ZNRF3: variants seen among roughly 807,000 people sequenced by gnomAD.
ZNRF3 encodes zinc and ring finger 3.
ZNRF3 carries 23 observed loss-of-function variants against 72.5 expected under a neutral mutation model. The ratio of observed to expected loss-of-function variants is 0.32; its 90% CI spans 0.23 to 0.45. ZNRF3 has a LOEUF of 0.45. Ranked by LOEUF, ZNRF3 falls within the 20% of genes least tolerant of loss-of-function variation. The pLI is 1.00. For synonymous variants in ZNRF3, 610 were observed against 545.3 expected, an observed-to-expected ratio of 1.12 and a Z score of -1.65; for missense variants, 1,169 against 1,272.1, an observed-to-expected ratio of 0.92 and a Z score of 1.23.
chr22:28,945,378 A>G (rs1204638104), intron 1 of ZNRF3, among the ~76,000 whole-genome samples: 1 of 151,948 alleles, frequency 6.6e-6, no homozygotes, highest in African/African-American at 2.4e-5. Context: ...AATATTAAGC[A>G]ATGTGTCATA....
chr22:28,990,465 A>G (rs1295946292), intron 2 of ZNRF3, among the ~76,000 whole-genome samples: 1 of 152,142 alleles, frequency 6.6e-6, no homozygotes, highest in Non-Finnish European at 1.5e-5. Context: ...CGGGCAGATC[A>G]CTTGAGGCCA....
intron 2 of ZNRF3, among the ~76,000 whole-genome samples, chr22:29,002,610 G>A (rs909432517): frequency 4.6e-5 from 7 of 152,194 alleles, no homozygotes; most frequent in Non-Finnish European, 7.3e-5. Flanking sequence ...TTGCTGATGC[G>A]CACCAGACTG....
In ZNRF3 at chr22:29,048,343, C is replaced by A; in HGVS notation, c.913-46C>A. 6.4e-7 allele frequency: 1 copy of A among 1,552,500 alleles called. No homozygotes were observed. Among genetic ancestry groups the A allele is most frequent in the Non-Finnish European group, 8.9e-7 (1 of 1,126,424 alleles). On this transcript the variant is annotated intron_variant, in intron 6 of 8. Coordinates refer to ENST00000544604, the MANE Select transcript of ZNRF3 (RefSeq NM_001206998.2). The surrounding 1 kb of genome is among the most constrained non-coding windows in gnomAD (Gnocchi z 4.9). ...ATGCTGGACTCTGCAGGAGGACACA[C>A]CTGCGAGGCTGAAGGCAGACTTGTG...
intron 2 of ZNRF3, among the ~76,000 whole-genome samples, chr22:29,018,988 C>G (rs1033515004): frequency 1.3e-5 from 2 of 151,108 alleles, no homozygotes; most frequent in East Asian, 3.9e-4. Flanking sequence ...ACTGAGTGAT[C>G]TAGGATGGCC....
rs748931315 is a variant in ZNRF3 at position 29,049,194 on chromosome 22, C to T, written c.1016-3C>T. On this transcript the variant is annotated splice_polypyrimidine_tract_variant and splice_region_variant and intron_variant, in intron 7 of 8. Coordinates refer to ENST00000544604, the MANE Select transcript of ZNRF3 (RefSeq NM_001206998.2). This position sits in a 1 kb window ranked among gnomAD's most constrained non-coding sequence, Gnocchi z 5.2. ...CTACTCTGTTTCCTCCACTTGTCTC[C>T]AGAACAAAAGGGAAACCCAAGCGCG... 6.3e-7 allele frequency: 1 copy of T among 1,585,106 alleles called. No individual in the cohort carries two copies. Among genetic ancestry groups the T allele is most frequent in the Non-Finnish European group, 8.6e-7 (1 of 1,163,616 alleles).
intron 1 of ZNRF3, among the ~76,000 whole-genome samples, chr22:28,934,835 A>AT (rs886770109): frequency 1.1e-4 from 17 of 152,028 alleles, no homozygotes; most frequent in South Asian, 4.2e-4. Context: ...AAAAAAAAAA[A>AT]AAAGTATATT....
At chr22:29,011,898 T>A (rs911847195) in intron 2 of ZNRF3, among the ~76,000 whole-genome samples, 1 of 152,220 alleles carries the variant, frequency 6.6e-6, no homozygotes, top group Non-Finnish European at 1.5e-5. Flanking sequence ...TCTCTGCTTG[T>A]GTGCAAAGAA....
intron 1 of ZNRF3, among the ~76,000 whole-genome samples, chr22:28,934,549 G>A (rs2034785452): frequency 6.6e-6 from 1 of 152,168 alleles, no homozygotes; most frequent in South Asian, 2.1e-4. Flanking sequence ...TGGGCGCGGT[G>A]GCTCATTCCT....
At chr22:28,991,022 C>T (rs2035942500) in intron 2 of ZNRF3, among the ~76,000 whole-genome samples, 1 of 151,938 alleles carries the variant, frequency 6.6e-6, no homozygotes, top group African/African-American at 2.4e-5. Flanking sequence ...TGGCTCACGC[C>T]TGTAATCCTA....
intron 2 of ZNRF3, among the ~76,000 whole-genome samples, chr22:29,033,524 T>G (rs2036804888): frequency 6.6e-6 from 1 of 151,928 alleles, no homozygotes; most frequent in Non-Finnish European, 1.5e-5. Context: ...TGCTACTGCA[T>G]GGAGACCGTG....
At chr22:29,032,928 C>A (rs115189109) in intron 2 of ZNRF3, among the ~76,000 whole-genome samples, 1,681 of 152,272 alleles carry the variant, frequency 0.011, 39 homozygotes, top group African/African-American at 0.039. Flanking sequence ...GGGAATAATA[C>A]CTGAACAGAG....
At chr22:29,018,653 G>C (rs1295333963) in intron 2 of ZNRF3, 1 of 152,376 alleles carries the variant, frequency 6.6e-6, no homozygotes, top group Non-Finnish European at 1.5e-5. Flanking sequence ...AAGTGAGTTG[G>C]GACCATGTAA....
chr22:28,885,705 A>G (rs747556710), intron 1 of ZNRF3, among the ~76,000 whole-genome samples: 17 of 152,146 alleles, frequency 1.1e-4, no homozygotes, highest in Non-Finnish European at 2.2e-4. Flanking sequence ...CTCTTTCTCA[A>G]CAGTAGTTTG....
At chr22:28,938,934 T>C (rs1031134937) in intron 1 of ZNRF3, among the ~76,000 whole-genome samples, 6 of 152,178 alleles carry the variant, frequency 3.9e-5, no homozygotes, top group Admixed American at 1.3e-4. Flanking sequence ...TGAATATTAC[T>C]GTTTAGCTGT....
chr22:28,893,355 CAT>C (rs2033927368), intron 1 of ZNRF3, among the ~76,000 whole-genome samples: 1 of 152,074 alleles, frequency 6.6e-6, no homozygotes, highest in Non-Finnish European at 1.5e-5. Context: ...AGAGAAGAAA[CAT>C]CGGTTTTATG....
At chr22:28,901,932 CTTTTTTTTTT>C (rs398036773) in intron 1 of ZNRF3, among the ~76,000 whole-genome samples, 5 of 112,980 alleles carry the variant, frequency 4.4e-5, no homozygotes, top group Admixed American at 1.9e-4. Context: ...TTTAAGTTAA[CTTTTTTTTTT>C]TTTTTTTTTT....
At chr22:28,886,732 G>A (rs1005716323) in intron 1 of ZNRF3, among the ~76,000 whole-genome samples, 4 of 152,218 alleles carry the variant, frequency 2.6e-5, no homozygotes, top group Non-Finnish European at 5.9e-5. Context: ...GCTGAGGCAG[G>A]AGGATTGCTT....
intron 2 of ZNRF3, among the ~76,000 whole-genome samples, chr22:29,002,705 G>T (rs934381497): frequency 3.3e-5 from 5 of 152,180 alleles, no homozygotes; most frequent in Non-Finnish European, 7.3e-5. Context: ...CCTTAAGCAG[G>T]ATCTGTGCTC....
chr22:28,969,806 A>T (rs1017313822), intron 1 of ZNRF3, among the ~76,000 whole-genome samples: 4 of 152,234 alleles, frequency 2.6e-5, no homozygotes, highest in Admixed American at 2.6e-4. Context: ...GAGTTGAGGG[A>T]GAGCAGTTAG....
Sources: allele counts gnomAD v4.1 joint callset (sites outside exome capture counted in the v4.1 genomes callset), GRCh38; gene constraint gnomAD v4.1.1; non-coding constraint Gnocchi (gnomAD v3.1); transcripts MANE v1.5; gene names NCBI Gene and HGNC (gene_info 2026-07-23, HGNC 2026-07-21).